Variants in SIPA1L1 observed in about 807,000 individuals in gnomAD.
SIPA1L1 encodes signal induced proliferation associated 1 like 1.
SIPA1L1 carries 26 observed loss-of-function variants against 162.7 expected under a neutral mutation model. The observed-to-expected ratio is 0.16, with a 90% CI of 0.12 to 0.22. The LOEUF is 0.22. Among genes scored for constraint, SIPA1L1 ranks in the 10% least tolerant of loss-of-function variants. SIPA1L1 has a pLI of 1.00. For synonymous variants in SIPA1L1, 829 were observed against 837.4 expected, an observed-to-expected ratio of 0.99 and a Z score of 0.17; for missense variants, 1,874 against 2,241.0, an observed-to-expected ratio of 0.84 and a Z score of 3.31.
intron 5 of SIPA1L1, among the ~76,000 whole-genome samples, chr14:71,605,468 A>T (rs2037377578): frequency 6.6e-6 from 1 of 152,122 alleles, no homozygotes; most frequent in Non-Finnish European, 1.5e-5. Flanking sequence ...ATGTCCTTAC[A>T]TTACTATGTA....
Position 71,671,219 on chromosome 14 carries a change from G to C in SIPA1L1, c.2356G>C (p.Ala786Pro). 1 of 1,614,094 alleles carries C rather than the reference G, an allele frequency of 6.2e-7. No individual in the cohort carries two copies. Among genetic ancestry groups the C allele is most frequent in the Non-Finnish European group, 8.5e-7 (1 of 1,180,028 alleles). ...AAATGTGTTCAGGGACTTCCTTTTG[G>C]CGAAAGTGATTAATGCAGAAAATGC... The part of the protein sequence containing the change: ...KSNVFRDFLL[A>P]KVINAENAAH... The change falls in exon 11 of 24, where the codon GCG becomes CCG. Residue 786 changes from alanine to proline, a missense_variant. By Grantham distance (27) the Ala-to-Pro change is conservative. Coordinates refer to ENST00000381232, the MANE Select transcript of SIPA1L1 (RefSeq NM_001386936.1).
At chr14:71,704,765 G>A (rs1157733987) in intron 15 of SIPA1L1, 35 of 1,611,420 alleles carry the variant, frequency 2.2e-5, no homozygotes, top group African/African-American at 2.7e-5. Flanking sequence ...TTTTGTCCTC[G>A]AGCAGCATGA....
chr14:71,703,083 C>A (rs1005009014), intron 15 of SIPA1L1, among the ~76,000 whole-genome samples: 5 of 152,140 alleles, frequency 3.3e-5, no homozygotes, highest in Admixed American at 2.6e-4. Flanking sequence ...CCCTTTCTTT[C>A]TATATATATG....
intron 2 of SIPA1L1, among the ~76,000 whole-genome samples, chr14:71,388,003 A>G (rs1018452658): frequency 5.3e-5 from 8 of 152,256 alleles, no homozygotes; most frequent in African/African-American, 1.2e-4. Context: ...GCCAAGACAG[A>G]TCACTCTGCA....
chr14:71,666,378 T>C (rs2044007180), intron 10 of SIPA1L1, among the ~76,000 whole-genome samples: 1 of 152,182 alleles, frequency 6.6e-6, no homozygotes. Flanking sequence ...GAATAAAACA[T>C]TTTTTAAAGC....
intron 7 of SIPA1L1, among the ~76,000 whole-genome samples, chr14:71,637,360 C>T (rs2041266930): frequency 6.6e-6 from 1 of 152,084 alleles, no homozygotes; most frequent in Non-Finnish European, 1.5e-5. Flanking sequence ...ATTCACTTAA[C>T]TTTTATTACA....
chr14:71,567,288 A>G (rs2030855957), intron 4 of SIPA1L1, among the ~76,000 whole-genome samples: 1 of 152,202 alleles, frequency 6.6e-6, no homozygotes, highest in Non-Finnish European at 1.5e-5. Context: ...GCATGTTTCT[A>G]AAGAAGATGT....
rs1465183779 is a variant in SIPA1L1, at chr14:71,480,365, A to AG, written c.-464-32376dup. On this transcript the variant is annotated intron_variant, in intron 2 of 23. Transcript: ENST00000381232. ...CGGCCTCCCAAAGTGTTGGGATTAC[A>AG]GGCGTGAGCCACCGTGCCCGGCCAG... Among the ~76,000 whole-genome samples the AG allele has an allele frequency of 3.3e-5, 5 of 151,264 alleles. No individual in the cohort carries two copies. The East Asian group carries it at 9.9e-4, about 30-fold the overall frequency.
At chr14:71,557,354 AT>A (rs1370960740) in intron 4 of SIPA1L1, among the ~76,000 whole-genome samples, 2 of 152,136 alleles carry the variant, frequency 1.3e-5, no homozygotes, top group Non-Finnish European at 2.9e-5. Flanking sequence ...TAGATATCAC[AT>A]TTTTTCCCTG....
chr14:71,405,962 C>T (rs1019067665), intron 2 of SIPA1L1, among the ~76,000 whole-genome samples: 1 of 152,264 alleles, frequency 6.6e-6, no homozygotes, highest in East Asian at 1.9e-4. Context: ...TTTAACAAGT[C>T]AGTCTGACTA....
At chr14:71,337,511 G>A (rs866578563) in intron 2 of SIPA1L1, among the ~76,000 whole-genome samples, 2 of 152,272 alleles carry the variant, frequency 1.3e-5, no homozygotes, top group Middle Eastern at 6.8e-3. Context: ...CATGGCAGCA[G>A]GCAAGAGAGC....
rs1189748748 is a variant in SIPA1L1 at position 71,377,685 on chromosome 14, A to G, written c.-465+56504A>G. ...ACGCCACTGCACTCCAGCGTGGGCAACATTGAGCACTGAGTGAGTGAGACT... is the reference window on the plus strand; with the variant it reads ...ACGCCACTGCACTCCAGCGTGGGCAGCATTGAGCACTGAGTGAGTGAGACT... On this transcript the variant is annotated intron_variant, in intron 2 of 23. Coordinates refer to ENST00000381232, the MANE Select transcript of SIPA1L1 (RefSeq NM_001386936.1). This position sits in a 1 kb window ranked among gnomAD's most constrained non-coding sequence, Gnocchi z 4.8. Among the ~76,000 whole-genome samples, 1 of 152,344 alleles carries G rather than the reference A, an allele frequency of 6.6e-6. No homozygotes were observed. Among genetic ancestry groups the G allele is most frequent in the Non-Finnish European group, 1.5e-5 (1 of 68,030 alleles).
chr14:71,689,809 C>T (rs1480121357), intron 13 of SIPA1L1, among the ~76,000 whole-genome samples: 2 of 152,126 alleles, frequency 1.3e-5, no homozygotes, highest in Admixed American at 1.3e-4. Context: ...CTTTTTTGTT[C>T]ACGCAGTTAT....
At chr14:71,334,688 T>C (rs1176945266) in intron 2 of SIPA1L1, among the ~76,000 whole-genome samples, 1 of 152,216 alleles carries the variant, frequency 6.6e-6, no homozygotes, top group Non-Finnish European at 1.5e-5. Flanking sequence ...CTTGAATCCA[T>C]TAACAGATAG....
chr14:71,377,472 A>C lies in SIPA1L1; in HGVS notation c.-465+56291A>C, dbSNP rs1442394317. On this transcript the variant is annotated intron_variant, in intron 2 of 23. Transcript: ENST00000381232. This position sits in a 1 kb window ranked among gnomAD's most constrained non-coding sequence, Gnocchi z 4.8. ...CTTCCCAGACTGGGCGGCCAGGCAG[A>C]GACGCTCCTCACTTCCCAGACTGGG... is the stretch of plus-strand genomic sequence containing the variant. Among the ~76,000 whole-genome samples, 1 of 151,464 alleles carries C rather than the reference A, an allele frequency of 6.6e-6. No individual in the cohort carries two copies. The highest frequency in any genetic ancestry group is 2.4e-5 in the African/African-American group (1 of 41,168).
chr14:71,613,703 C>A (rs1013358906), intron 5 of SIPA1L1, among the ~76,000 whole-genome samples: 1 of 152,266 alleles, frequency 6.6e-6, no homozygotes, highest in East Asian at 1.9e-4. Flanking sequence ...CTTTTCACTT[C>A]AGAAGAAAGA....
intron 5 of SIPA1L1, among the ~76,000 whole-genome samples, chr14:71,611,738 C>A (rs911689392): frequency 2.6e-5 from 4 of 152,178 alleles, no homozygotes; most frequent in African/African-American, 9.6e-5. Context: ...ATGACTCACT[C>A]TTTTTTATGA....
intron 4 of SIPA1L1, among the ~76,000 whole-genome samples, chr14:71,542,957 A>G (rs2054613560): frequency 6.6e-6 from 1 of 151,880 alleles, no homozygotes; most frequent in Non-Finnish European, 1.5e-5. Context: ...TCTTTTCTGT[A>G]GCTAACGTCT....
At chr14:71,611,540 G>GCATCTATCAACCTGTCATCTAGGTTT (rs2038215452) in intron 5 of SIPA1L1, among the ~76,000 whole-genome samples, 1 of 151,968 alleles carries the variant, frequency 6.6e-6, no homozygotes, top group African/African-American at 2.4e-5. Context: ...TTAGATATTT[G>GCATCTATCAACCTGTCATCTAGGTTT]TCCTAATCCT....
Sources: allele counts gnomAD v4.1 joint callset (sites outside exome capture counted in the v4.1 genomes callset), GRCh38; gene constraint gnomAD v4.1.1; non-coding constraint Gnocchi (gnomAD v3.1); transcripts MANE v1.5; gene names NCBI Gene and HGNC (gene_info 2026-07-23, HGNC 2026-07-21).